UBAP2L: variants seen among roughly 807,000 people sequenced by gnomAD.
UBAP2L encodes the protein ubiquitin associated protein 2 like.
A neutral mutation model predicts 130.6 loss-of-function variants in UBAP2L; 12 were observed. The observed-to-expected ratio is 0.09, with a 90% confidence interval of 0.06 to 0.15. The LOEUF is 0.15. Among genes scored for constraint, UBAP2L ranks in the 10% least tolerant of loss-of-function variants. The pLI, the probability that UBAP2L is intolerant of heterozygous loss-of-function variation, is 1.00. For synonymous variants in UBAP2L, 503 were observed against 524.7 expected, an observed-to-expected ratio of 0.96 and a Z score of 0.57; for missense variants, 965 against 1,332.5, an observed-to-expected ratio of 0.72 and a Z score of 4.29.
Position 154,249,457 on chromosome 1 carries a change from C to T in UBAP2L, c.1213+20C>T. On this transcript the variant is annotated intron_variant, in intron 12 of 26. Coordinates refer to ENST00000428931, the MANE Select transcript of UBAP2L (RefSeq NM_014847.4). ...AGTATGGTGAGAAGATGGAAAGTGA[C>T]TTGAATCTTTAAAGCATTGGAGCAT... The T allele has an allele frequency of 1.2e-6, 2 of 1,613,670 alleles. No homozygotes were observed. Among genetic ancestry groups the T allele is most frequent in the Middle Eastern group, 1.7e-4 (1 of 5,856 alleles).
At chr1:154,261,752 T>A in intron 24 of UBAP2L, 55 bp downstream of exon 24, 1 of 1,561,086 alleles carries the variant, frequency 6.4e-7, no homozygotes, top group Non-Finnish European at 8.8e-7. Flanking sequence ...ATTGGATAAA[T>A]TTCAGGGAGG....
At chr1:154,220,538 A>C (rs886616516), upstream of UBAP2L, 16 of 922,704 alleles carry the variant, frequency 1.7e-5, no homozygotes, top group Non-Finnish European at 2.6e-5. Flanking sequence ...GGGAAGACCA[A>C]GCCAGACCCG....
Position 154,249,332 on chromosome 1 carries a change from C to A in UBAP2L, c.1108C>A (p.Gln370Lys). 1 of 1,614,134 alleles carries A rather than the reference C, an allele frequency of 6.2e-7. No individual in the cohort carries two copies. Among genetic ancestry groups the A allele is most frequent in the South Asian group, 1.1e-5 (1 of 91,086 alleles). ...SQFLEQFKTA[Q>K]ALAQLAAQHS... ...GTTCTTGGAGCAATTCAAGACTGCC[C>A]AAGCCCTGGCTCAGTTGGCAGCTCA... The change falls in exon 12 of 27, where the codon CAA (glutamine) becomes AAA (lysine). Residue 370 changes from glutamine (Q) to lysine (K), a missense_variant. By Grantham distance (53) the Gln-to-Lys change is moderately conservative. Transcript: ENST00000428931.
intron 18 of UBAP2L, 142 bp from the exon 19 acceptor site, chr1:154,256,921 C>G: frequency 1.1e-6 from 1 of 882,974 alleles, no homozygotes; most frequent in Non-Finnish European, 1.7e-6. Context: ...GCAGGGTGTA[C>G]TTTGGTACCT....
chr1:154,251,447 A>G, intron 13 of UBAP2L, 34 bp from the exon 14 acceptor site: 1 of 1,606,882 alleles, frequency 6.2e-7, no homozygotes, highest in Non-Finnish European at 8.5e-7. Flanking sequence ...GTTGTATTAA[A>G]GCCATTACTT....
chr1:154,248,802 C>T lies in UBAP2L; in HGVS notation c.1015-437C>T, dbSNP rs36069404. 6.7e-3 allele frequency among the ~76,000 whole-genome samples: 1,023 copies of T among 152,088 alleles called. 6 individuals carry two copies. Among genetic ancestry groups the T allele is most frequent in the Non-Finnish European group, 8.9e-3 (602 of 67,976 alleles). ...CTGCACTCCAGCCTGGGTGACAGAGCGAGACTCTGTCTCAAAAACAAAAAC... is the reference window on the plus strand; with the variant it reads ...CTGCACTCCAGCCTGGGTGACAGAGTGAGACTCTGTCTCAAAAACAAAAAC... On this transcript the variant is annotated intron_variant, in intron 11 of 26. Transcript: ENST00000428931.
At chr1:154,271,214 T>C (rs1684666335), downstream of UBAP2L, 2 of 344,010 alleles carry the variant, frequency 5.8e-6, no homozygotes, top group South Asian at 5.4e-5. Flanking sequence ...GCTGAGACCA[T>C]TTCAAAGAAA....
At chr1:154,227,252 A>G (rs771023849) in intron 2 of UBAP2L, 30 bp from the exon 3 acceptor site, 15 of 1,593,986 alleles carry the variant, frequency 9.4e-6, no homozygotes, top group Middle Eastern at 1.7e-4. Flanking sequence ...CCTCATGATT[A>G]TGCTTTCTTG....
chr1:154,226,251 G>A (rs1667895240), intron 2 of UBAP2L, among the ~76,000 whole-genome samples: 2 of 152,262 alleles, frequency 1.3e-5, no homozygotes, highest in South Asian at 4.1e-4. Context: ...TGAGGAGCTG[G>A]CAACTTCACT....
At chr1:154,259,893 C>G (rs1680977831) in intron 21 of UBAP2L, 55 bp from the exon 22 acceptor site, 1 of 1,536,948 alleles carries the variant, frequency 6.5e-7, no homozygotes, top group Non-Finnish European at 9.0e-7. Flanking sequence ...AAATAGTACT[C>G]ATGCTGGGGA....
intron 11 of UBAP2L, among the ~76,000 whole-genome samples, chr1:154,248,814 TCAAAAACAAAAA>T (rs748435321): frequency 1.3e-5 from 2 of 152,116 alleles, no homozygotes; most frequent in African/African-American, 4.8e-5. Flanking sequence ...AGACTCTGTC[TCAAAAACAAAAA>T]CAAAAACAAA....
intron 4 of UBAP2L, among the ~76,000 whole-genome samples, chr1:154,230,042 G>A (rs1669308014): frequency 1.3e-5 from 2 of 151,660 alleles, no homozygotes; most frequent in Admixed American, 1.3e-4. Flanking sequence ...TTGAGACGGT[G>A]TCTCTCTCTG....
chr1:154,259,772 G>C (rs528501901), intron 21 of UBAP2L, 176 bp from the exon 22 acceptor site: 21 of 778,174 alleles, frequency 2.7e-5, no homozygotes, highest in African/African-American at 1.0e-4. Flanking sequence ...GGCCAGGCAG[G>C]GGGGACAGTG....
At chr1:154,256,236 A>G (rs548090659) in intron 18 of UBAP2L, among the ~76,000 whole-genome samples, 1 of 152,316 alleles carries the variant, frequency 6.6e-6, no homozygotes, top group South Asian at 2.1e-4. Context: ...CTGTAAAGGG[A>G]AGGACCCATT....
chr1:154,228,981 T>A (rs569564553), intron 4 of UBAP2L, among the ~76,000 whole-genome samples: 2 of 152,206 alleles, frequency 1.3e-5, no homozygotes, highest in Non-Finnish European at 2.9e-5. Flanking sequence ...GAATAAATTA[T>A]TTATTCCAGG....
chr1:154,259,201 T>A (rs916053269), intron 21 of UBAP2L, among the ~76,000 whole-genome samples, 171 bp downstream of exon 21: 8 of 151,228 alleles, frequency 5.3e-5, no homozygotes, highest in Admixed American at 4.0e-4. Flanking sequence ...GAAGATAACT[T>A]TTTTTTTTGA....
chr1:154,223,183 G>A (rs1401289272), intron 1 of UBAP2L, among the ~76,000 whole-genome samples: 1 of 152,184 alleles, frequency 6.6e-6, no homozygotes, highest in African/African-American at 2.4e-5. Flanking sequence ...TAGCAAGAGT[G>A]ATTAGGAGAA....
Position 154,270,537 on chromosome 1 carries a change from C to G in UBAP2L, c.*242C>G. 1 of 1,434,528 alleles carries G rather than the reference C, an allele frequency of 7.0e-7. No homozygotes were observed. Among genetic ancestry groups the G allele is most frequent in the Admixed American group, 2.7e-5 (1 of 36,640 alleles). The allele number at this position is 1,434,528 out of a possible 1,614,324, so 88.9% of individuals were successfully genotyped here. A position where few individuals can be genotyped will look rare whatever the true frequency, so the allele number is the denominator to read the frequency against. On this transcript the variant is annotated 3_prime_UTR_variant, in exon 27 of 27. Coordinates refer to ENST00000428931, the MANE Select transcript of UBAP2L (RefSeq NM_014847.4). ...CCCTTCCATTCCTTCTCCCCTCTTG[C>G]ATTCAAGATTATGAAACTTTGCTAT...
intron 2 of UBAP2L, 38 bp downstream of exon 2, chr1:154,225,251 T>C (rs371490459): frequency 9.4e-6 from 15 of 1,601,156 alleles, no homozygotes; most frequent in African/African-American, 1.3e-5. Context: ...TGGATAGCGT[T>C]GCCTGCTGAT....
Sources: gnomAD v4.1 joint callset for allele counts (sites outside exome capture counted in the v4.1 genomes callset) on GRCh38, gnomAD v4.1.1 for gene constraint, MANE v1.5 for transcripts, NCBI Gene and HGNC (gene_info 2026-07-23, HGNC 2026-07-21) for gene names.